The following LZTS2 variants were observed in gnomAD, a reference collection of about 807,000 sequenced individuals.
The protein encoded by LZTS2 is leucine zipper putative tumor suppressor 2.
LZTS2 carries 32 observed loss-of-function variants against 60.6 expected under a neutral mutation model. The observed-to-expected ratio is 0.53, with a 90% confidence interval of 0.40 to 0.71. LZTS2 has a LOEUF of 0.71. Among genes scored for constraint, LZTS2 ranks in the 30% least tolerant of loss-of-function variants. LZTS2 has a pLI of 0.00. For synonymous variants in LZTS2, 360 were observed against 393.1 expected (o/e 0.92, Z 1.00); for missense variants, 792 against 901.9 (o/e 0.88, Z 1.56).
chr10:101,007,500 G>A (rs1590041314), exon 4 of LZTS2: 1 of 1,386,180 alleles, frequency 7.2e-7, no homozygotes. Context: ...GGAAGAAGAA[G>A]GGGCTCCCTC....
exon 1 of LZTS2, chr10:100,999,614 G>A (rs1036148837): frequency 2.6e-5 from 4 of 152,202 alleles, no homozygotes; most frequent in East Asian, 1.9e-4. Context: ...CGCAGTCACA[G>A]GGCGTCGGAG....
upstream of LZTS2, among the ~76,000 whole-genome samples, chr10:100,997,500 T>C (rs1420071585): frequency 6.6e-6 from 1 of 152,094 alleles, no homozygotes; most frequent in Non-Finnish European, 1.5e-5. Flanking sequence ...TTGGCCACCC[T>C]TGCACTCCCA....
At chr10:100,998,793 A>C (rs1851965808), upstream of LZTS2, 1 of 152,416 alleles carries the variant, frequency 6.6e-6, no homozygotes, top group Admixed American at 6.5e-5. Flanking sequence ...TGAGACTGTG[A>C]CTGGGTGCGA....
At chr10:101,007,715 C>A in exon 4 of LZTS2, 1 of 961,492 alleles carries the variant, frequency 1.0e-6, no homozygotes, top group Non-Finnish European at 1.3e-6. Context: ...TGTTTGTGAC[C>A]AAGCAGCCTC....
chr10:101,000,793 T>C (rs1013063286), exon 1 of LZTS2: 8 of 152,018 alleles, frequency 5.3e-5, no homozygotes, highest in African/African-American at 1.7e-4. Flanking sequence ...GGCTGGGGTG[T>C]GTGGGGTGGT....
rs760664987 is a variant in LZTS2, at chr10:101,003,830, C to T, written c.732C>T (p.Gly244=). 2.2e-5 allele frequency: 36 copies of T among 1,613,376 alleles called. No homozygotes were observed. The highest frequency in any genetic ancestry group is 1.6e-4 in the Middle Eastern group (1 of 6,062). The change falls in exon 2 of 4, where the codon GGC becomes GGT. Residue 244 remains glycine, a synonymous_variant. Transcript: ENST00000370220. ...CCGAGCCAACCACCAGCTCCCCAGG[C>T]GGGCACCTGCCTTCCCATGGCTCTG...
At chr10:100,997,806 T>G (rs1851946188), upstream of LZTS2, among the ~76,000 whole-genome samples, 1 of 152,172 alleles carries the variant, frequency 6.6e-6, no homozygotes, top group Non-Finnish European at 1.5e-5. Flanking sequence ...CGTTCCATTC[T>G]CCGCCTGGAG....
At chr10:101,007,818 T>A (rs954557753) in exon 4 of LZTS2, 81 of 278,536 alleles carry the variant, frequency 2.9e-4, no homozygotes, top group African/African-American at 4.1e-4. Flanking sequence ...TTAAAAAAAA[T>A]TTTTTTGTTT....
upstream of LZTS2, chr10:100,998,645 C>G (rs1014871296): frequency 2.0e-5 from 3 of 151,924 alleles, no homozygotes; most frequent in Non-Finnish European, 4.4e-5. Flanking sequence ...GCTGACCTGA[C>G]CGGGTCACCG....
chr10:101,003,535 C>T (rs1295077527), exon 2 of LZTS2: 2 of 1,525,070 alleles, frequency 1.3e-6, no homozygotes, highest in African/African-American at 2.8e-5. Context: ...ATCCGCCCAA[C>T]AGCCTTCAAG....
chr10:101,006,951 G>T, exon 4 of LZTS2: 1 of 1,545,192 alleles, frequency 6.5e-7, no homozygotes, highest in East Asian at 2.4e-5. Context: ...AGCTTTGAGG[G>T]GGAGCGGCTG....
At chr10:101,005,923 G>A (rs760335964) in intron 3 of LZTS2, among the ~76,000 whole-genome samples, 1 of 152,250 alleles carries the variant, frequency 6.6e-6, no homozygotes, top group Non-Finnish European at 1.5e-5. Flanking sequence ...CTTCCAGCCA[G>A]TAGTAAGAAT....
At chr10:101,007,035 G>C (rs1443090243) in exon 4 of LZTS2, 1 of 1,590,508 alleles carries the variant, frequency 6.3e-7, no homozygotes. Flanking sequence ...CAGATGTACC[G>C]GCGCAACCGG....
At chr10:101,002,991 C>A in intron 1 of LZTS2, 45 bp downstream of exon 2, 1 of 1,543,388 alleles carries the variant, frequency 6.5e-7, no homozygotes, top group South Asian at 1.2e-5. Flanking sequence ...AACGGGAGTC[C>A]TCGCTTGGGA....
chr10:101,004,918 GAACCCCTGGCCTCA>G (rs1284117549), intron 2 of LZTS2, among the ~76,000 whole-genome samples: 1 of 152,078 alleles, frequency 6.6e-6, no homozygotes, highest in Non-Finnish European at 1.5e-5. Context: ...AGCTGGTCGC[GAACCCCTGGCCTCA>G]AGTGATTCAC....
At chr10:101,003,804 G>A in exon 2 of LZTS2, 1 of 1,613,212 alleles carries the variant, frequency 6.2e-7, no homozygotes, top group Non-Finnish European at 8.5e-7. Flanking sequence ...CACCGGAGGT[G>A]CCGAGCCAAC....
At chr10:101,007,057 G>A in exon 4 of LZTS2, 1 of 1,604,024 alleles carries the variant, frequency 6.2e-7, no homozygotes, top group Non-Finnish European at 8.5e-7. Context: ...AGCTAGAGCA[G>A]GAGCTGCAGC....
exon 2 of LZTS2, chr10:101,003,749 A>G (rs1173974638): frequency 1.2e-6 from 2 of 1,612,938 alleles, no homozygotes; most frequent in Non-Finnish European, 8.5e-7. Flanking sequence ...CAGGGACGCT[A>G]TCCGACTCTG....
chr10:101,003,004 CTG>C, intron 1 of LZTS2, 58 bp downstream of exon 2: 1 of 1,528,566 alleles, frequency 6.5e-7, no homozygotes, highest in Non-Finnish European at 8.8e-7. Context: ...GCTTGGGAAA[CTG>C]GAATTTAGAA....
Sources: allele counts gnomAD v4.1 joint callset (sites outside exome capture counted in the v4.1 genomes callset), GRCh38; gene constraint gnomAD v4.1.1; transcripts MANE v1.5; gene names NCBI Gene and HGNC (gene_info 2026-07-23, HGNC 2026-07-21).